USH2A: variants seen among roughly 807,000 people sequenced by gnomAD.
USH2A encodes Usher syndrome 2A (autosomal recessive, mild).
Under a neutral mutation model 538.9 loss-of-function variants are expected in USH2A, and 443 were observed. That is an observed-to-expected ratio of 0.82 (90% CI 0.76 to 0.89). The LOEUF is 0.89. Ranked by LOEUF, USH2A falls within the 40% of genes least tolerant of loss-of-function variation. The pLI is 0.00. For synonymous variants in USH2A, 2,413 were observed against 2,273.5 expected, an observed-to-expected ratio of 1.06 and a Z score of -1.75; for missense variants, 6,633 against 6,324.8, an observed-to-expected ratio of 1.05 and a Z score of -1.65.
In USH2A at chr1:216,086,831, G is replaced by C. The variant is rs1240627704; in HGVS notation, c.4886-11C>G. On this transcript the variant is annotated splice_polypyrimidine_tract_variant and intron_variant, in intron 23 of 71. Transcript: ENST00000307340. ...GGATGGCAGAGGAACCTAGAGAAGA[G>C]GAGATGAGAAATACACCTTCACCAG... 34 of 1,600,228 alleles carry C rather than the reference G, an allele frequency of 2.1e-5. No individual in the cohort carries two copies. Among genetic ancestry groups the C allele is most frequent in the Non-Finnish European group, 2.9e-5 (34 of 1,168,168 alleles).
chr1:215,647,522 A>T lies in USH2A; in HGVS notation c.14791T>A (p.Leu4931Met). The stretch of plus-strand genomic sequence containing the variant: ...TATGGTAGCAGCCACTTATACTCAC[A>T]TTCTTTTTGGGTGGTGAAACTGATC... ...EWISFTTQKELPQYRAPFSVD... is the reference protein window; with the variant it reads ...EWISFTTQKEMPQYRAPFSVD... The change falls in exon 67 of 72, where the codon TTG becomes ATG. Residue 4931 changes from leucine (L) to methionine (M), a missense_variant and splice_region_variant. By Grantham distance (15) the Leu-to-Met change is conservative. Transcript: ENST00000307340. 1 of 1,613,812 alleles carries T rather than the reference A, an allele frequency of 6.2e-7. No individual in the cohort carries two copies. The highest frequency in any genetic ancestry group is 1.1e-5 in the South Asian group (1 of 91,062).
chr1:216,009,341 A>G (rs1668487444), intron 32 of USH2A, among the ~76,000 whole-genome samples: 1 of 152,110 alleles, frequency 6.6e-6, no homozygotes, highest in Admixed American at 6.5e-5. Flanking sequence ...CACTTGACCT[A>G]AAATCTAAGT....
intron 44 of USH2A, among the ~76,000 whole-genome samples, chr1:215,861,750 T>C (rs563010004): frequency 3.3e-5 from 5 of 152,076 alleles, no homozygotes; most frequent in African/African-American, 1.2e-4. Flanking sequence ...CAAGGGAGGT[T>C]AGTAAATGCA....
intron 35 of USH2A, among the ~76,000 whole-genome samples, chr1:215,986,144 T>C (rs948109353): frequency 5.9e-5 from 9 of 151,930 alleles, no homozygotes; most frequent in African/African-American, 1.9e-4. Context: ...GTTTTAGACG[T>C]GGTCTCACTC....
At chr1:216,083,323 G>T in intron 26 of USH2A, 133 bp downstream of exon 26, 1 of 1,039,168 alleles carries the variant, frequency 9.6e-7, no homozygotes, top group Non-Finnish European at 1.4e-6. Context: ...AACTAAAAAT[G>T]ACTGGGAAAA....
intron 67 of USH2A, among the ~76,000 whole-genome samples, chr1:215,644,179 G>A (rs1656776636): frequency 6.6e-6 from 1 of 152,186 alleles, no homozygotes; most frequent in Non-Finnish European, 1.5e-5. Context: ...ACATTGATTG[G>A]AATCTAAGAT....
intron 11 of USH2A, among the ~76,000 whole-genome samples, chr1:216,273,982 T>G (rs1354367304): frequency 6.6e-6 from 1 of 152,116 alleles, no homozygotes; most frequent in Non-Finnish European, 1.5e-5. Flanking sequence ...CACAACCAAA[T>G]ATACCAGACC....
intron 44 of USH2A, among the ~76,000 whole-genome samples, chr1:215,859,037 C>T (rs1055575878): frequency 2.6e-5 from 4 of 151,818 alleles, no homozygotes; most frequent in African/African-American, 4.8e-5. Flanking sequence ...CCTCTGTGAT[C>T]GGAGAAAGGG....
chr1:216,076,132 G>A (rs2031740037), intron 27 of USH2A, among the ~76,000 whole-genome samples: 1 of 152,058 alleles, frequency 6.6e-6, no homozygotes, highest in Non-Finnish European at 1.5e-5. Context: ...GAATCTTAGG[G>A]GACAGGGGTC....
intron 37 of USH2A, among the ~76,000 whole-genome samples, chr1:215,944,104 G>A (rs528102): frequency 1.3e-5 from 2 of 152,052 alleles, no homozygotes; most frequent in African/African-American, 4.8e-5. Context: ...GCATTTTAAT[G>A]TATAAACGAG....
At chr1:215,925,363 T>C (rs1315838817) in intron 38 of USH2A, among the ~76,000 whole-genome samples, 1 of 152,186 alleles carries the variant, frequency 6.6e-6, no homozygotes, top group Non-Finnish European at 1.5e-5. Context: ...TGAATTCTCC[T>C]ACTTTATTAC....
At chr1:216,193,622 A>G (rs905862865) in intron 19 of USH2A, among the ~76,000 whole-genome samples, 1 of 152,064 alleles carries the variant, frequency 6.6e-6, no homozygotes, top group African/African-American at 2.4e-5. Flanking sequence ...AATGACTGGT[A>G]TTTTTATGGG....
At chr1:216,062,190 G>C (rs1219881879) in intron 30 of USH2A, among the ~76,000 whole-genome samples, 1 of 152,222 alleles carries the variant, frequency 6.6e-6, no homozygotes, top group Non-Finnish European at 1.5e-5. Context: ...CAAGAAACTT[G>C]TAAAATTTAA....
chr1:215,881,744 T>C (rs1052975789), intron 41 of USH2A, among the ~76,000 whole-genome samples: 1 of 152,208 alleles, frequency 6.6e-6, no homozygotes, highest in African/African-American at 2.4e-5. Flanking sequence ...GCACTGGAAA[T>C]AAAATGTTTA....
chr1:216,190,173 T>G (rs745675809), intron 20 of USH2A, 50 bp downstream of exon 20: 10 of 1,609,528 alleles, frequency 6.2e-6, no homozygotes, highest in African/African-American at 1.3e-5. Flanking sequence ...ATTATAAGTT[T>G]TTTTTCTTGA....
chr1:216,001,053 G>T (rs866948550), intron 32 of USH2A, among the ~76,000 whole-genome samples: 9 of 152,166 alleles, frequency 5.9e-5, no homozygotes, highest in Middle Eastern at 6.8e-3. Flanking sequence ...AATTGTCGAG[G>T]TGCAGTGCAG....
chr1:216,303,632 T>C (rs967681545), intron 9 of USH2A, among the ~76,000 whole-genome samples: 5 of 151,996 alleles, frequency 3.3e-5, no homozygotes, highest in African/African-American at 1.2e-4. Context: ...TTCTTTAAGA[T>C]TTAAAATGTC....
intron 3 of USH2A, 27 bp from the exon 4 acceptor site, chr1:216,365,112 T>C: frequency 6.3e-7 from 1 of 1,599,178 alleles, no homozygotes; most frequent in East Asian, 2.2e-5. Flanking sequence ...CCATTATTAG[T>C]TTAAGTGCAT....
At chr1:216,207,139 A>T in intron 16 of USH2A, 134 bp downstream of exon 16, 1 of 1,040,212 alleles carries the variant, frequency 9.6e-7, no homozygotes, top group Non-Finnish European at 1.4e-6. Context: ...TGAAATTTGT[A>T]ATTTTATCTC....
Sources: gnomAD v4.1 joint callset for allele counts (sites outside exome capture counted in the v4.1 genomes callset) on GRCh38, gnomAD v4.1.1 for gene constraint, MANE v1.5 for transcripts, NCBI Gene and HGNC (gene_info 2026-07-23, HGNC 2026-07-21) for gene names.